Variants in DLGAP1 observed in about 807,000 individuals in gnomAD.
DLGAP1 encodes the protein disks large-associated protein 1.
Under a neutral mutation model 90.8 loss-of-function variants are expected in DLGAP1, and 11 were observed. The ratio of observed to expected loss-of-function variants is 0.12; its 90% CI spans 0.08 to 0.20. DLGAP1 has a LOEUF of 0.20. Among genes scored for constraint, DLGAP1 ranks in the 10% least tolerant of loss-of-function variants. DLGAP1 has a pLI of 1.00. For missense variants in DLGAP1, 1,050 were observed against 1,333.8 expected, an observed-to-expected ratio of 0.79 and a Z score of 3.31; for synonymous variants, 558 against 540.7, an observed-to-expected ratio of 1.03 and a Z score of -0.44.
At chr18:4,388,906 T>C (rs2082287971) in intron 1 of DLGAP1, among the ~76,000 whole-genome samples, 1 of 152,144 alleles carries the variant, frequency 6.6e-6, no homozygotes, top group Admixed American at 6.6e-5. Flanking sequence ...TTGTCTACTG[T>C]TGACGGGAGT....
At chr18:3,721,608 G>T (rs766745871) in intron 7 of DLGAP1, 1 of 152,046 alleles carries the variant, frequency 6.6e-6, no homozygotes, top group Non-Finnish European at 1.5e-5. Context: ...TTAAAAAAGA[G>T]AATTTTTTAG....
At chr18:4,257,971 ATATGTGTGTGTGTG>A (rs1568475475) in intron 1 of DLGAP1, among the ~76,000 whole-genome samples, 1 of 84,564 alleles carries the variant, frequency 1.2e-5, no homozygotes, top group Non-Finnish European at 2.3e-5. Flanking sequence ...AGAGTTATAC[ATATGTGTGTGTGTG>A]TGTGTGTGTG....
At chr18:4,372,834 AT>A (rs1384139632) in intron 1 of DLGAP1, among the ~76,000 whole-genome samples, 2 of 152,070 alleles carry the variant, frequency 1.3e-5, no homozygotes, top group Non-Finnish European at 2.9e-5. Flanking sequence ...AGGCTGAGGC[AT>A]GAGAATCACT....
intron 2 of DLGAP1, among the ~76,000 whole-genome samples, chr18:4,041,732 T>C (rs987343504): frequency 5.3e-5 from 8 of 152,202 alleles, no homozygotes; most frequent in Non-Finnish European, 7.3e-5. Flanking sequence ...GGAGTTGGAT[T>C]CATGGGAAAG....
intron 2 of DLGAP1, among the ~76,000 whole-genome samples, chr18:4,063,692 A>G (rs964853161): frequency 6.6e-6 from 1 of 152,092 alleles, no homozygotes; most frequent in African/African-American, 2.4e-5. Context: ...GGGAGCCTTC[A>G]TCTACATAAC....
intron 2 of DLGAP1, among the ~76,000 whole-genome samples, chr18:4,122,455 C>T (rs572864559): frequency 2.0e-5 from 3 of 152,212 alleles, no homozygotes; most frequent in South Asian, 4.1e-4. Context: ...GGGGGTGATG[C>T]GGGAGAAATA....
intron 2 of DLGAP1, among the ~76,000 whole-genome samples, chr18:4,102,897 T>G (rs2075802789): frequency 6.6e-6 from 1 of 152,232 alleles, no homozygotes; most frequent in Non-Finnish European, 1.5e-5. Context: ...ACTTTATTAC[T>G]CAGTCCCATG....
chr18:3,933,015 G>C (rs1404680089), intron 3 of DLGAP1, among the ~76,000 whole-genome samples: 1 of 152,180 alleles, frequency 6.6e-6, no homozygotes, highest in Non-Finnish European at 1.5e-5. Flanking sequence ...TCCCCACTTA[G>C]AGCAACATGA....
At chr18:4,377,168 C>T (rs1308128812) in intron 1 of DLGAP1, among the ~76,000 whole-genome samples, 3 of 152,054 alleles carry the variant, frequency 2.0e-5, no homozygotes, top group Admixed American at 2.0e-4. Context: ...ACACACAGTT[C>T]AGTCATAATG....
chr18:3,613,407 C>A (rs984265010), intron 7 of DLGAP1, among the ~76,000 whole-genome samples: 27 of 152,180 alleles, frequency 1.8e-4, no homozygotes, highest in African/African-American at 6.5e-4. Flanking sequence ...TCATGGCTCA[C>A]GGCAGCTTCA....
At chr18:3,906,194 G>A (rs1301854567) in intron 3 of DLGAP1, among the ~76,000 whole-genome samples, 1 of 152,136 alleles carries the variant, frequency 6.6e-6, no homozygotes, top group Non-Finnish European at 1.5e-5. Flanking sequence ...CTACATCTCG[G>A]AAGTTTAGCT....
intron 1 of DLGAP1, among the ~76,000 whole-genome samples, chr18:4,263,293 A>G (rs918089647): frequency 1.3e-5 from 2 of 152,202 alleles, no homozygotes; most frequent in African/African-American, 4.8e-5. Context: ...CTATCAATAC[A>G]AAGTAAAATA....
chr18:3,592,591 C>A (rs182152805), intron 7 of DLGAP1, among the ~76,000 whole-genome samples: 2 of 152,134 alleles, frequency 1.3e-5, no homozygotes, highest in African/African-American at 4.8e-5. Flanking sequence ...GTAATCCCAG[C>A]ACTTTGGGAG....
chr18:4,000,575 G>T (rs867808279), intron 3 of DLGAP1, among the ~76,000 whole-genome samples: 39 of 152,284 alleles, frequency 2.6e-4, no homozygotes, highest in African/African-American at 9.1e-4. Context: ...CCGAGGCTTG[G>T]TCTCCATAAA....
intron 7 of DLGAP1, among the ~76,000 whole-genome samples, chr18:3,635,417 GCGT>G (rs1308973226): frequency 1.3e-5 from 2 of 151,390 alleles, no homozygotes; most frequent in Non-Finnish European, 2.9e-5. Context: ...GGGATTACAG[GCGT>G]GAGCCACCGC....
At chr18:4,315,380 T>A in intron 1 of DLGAP1, among the ~76,000 whole-genome samples, 1 of 152,236 alleles carries the variant, frequency 6.6e-6, no homozygotes, top group East Asian at 1.9e-4. Flanking sequence ...AAGAATTAAA[T>A]GCTTGCTTGC....
At chr18:4,191,100 T>C (rs1358166070) in intron 1 of DLGAP1, among the ~76,000 whole-genome samples, 2 of 152,150 alleles carry the variant, frequency 1.3e-5, no homozygotes, top group African/African-American at 4.8e-5. Context: ...CATGGACGTA[T>C]ACCTGAAATT....
intron 10 of DLGAP1, among the ~76,000 whole-genome samples, chr18:3,521,575 T>C (rs146001122): frequency 1.3e-5 from 2 of 152,320 alleles, no homozygotes; most frequent in East Asian, 3.9e-4. Context: ...AGCAAAGTCC[T>C]CATCCTTATG....
At chr18:3,926,011 T>C (rs1490530045) in intron 3 of DLGAP1, among the ~76,000 whole-genome samples, 1 of 152,178 alleles carries the variant, frequency 6.6e-6, no homozygotes, top group East Asian at 1.9e-4. Context: ...TGTTTTCCTG[T>C]TGAGGTATGG....
Sources: allele counts gnomAD v4.1 joint callset (sites outside exome capture counted in the v4.1 genomes callset), GRCh38; gene constraint gnomAD v4.1.1; transcripts MANE v1.5; gene names NCBI Gene and HGNC (gene_info 2026-07-23, HGNC 2026-07-21).